Variants in OR3A2 observed in about 807,000 individuals in gnomAD.
The protein encoded by OR3A2 is olfactory receptor 3A2.
For missense variants in OR3A2, 318 were observed against 392.8 expected, an observed-to-expected ratio of 0.81 and a Z score of 1.61; for synonymous variants, 126 against 159.3, an observed-to-expected ratio of 0.79 and a Z score of 1.57.
At chr17:3,310,515 T>C (rs901887995) in intron 3 of OR3A2, 2 of 535,708 alleles carry the variant, frequency 3.7e-6, no homozygotes, top group Non-Finnish European at 7.7e-6. Flanking sequence ...CCTGGGGAAC[T>C]TGTCCCTGCC....
At chr17:3,303,146 G>A (rs1317941143) in intron 3 of OR3A2, among the ~76,000 whole-genome samples, 1 of 152,112 alleles carries the variant, frequency 6.6e-6, no homozygotes, top group African/African-American at 2.4e-5. Context: ...GATATTATAT[G>A]TCTTTCTCAC....
intron 2 of OR3A2, among the ~76,000 whole-genome samples, chr17:3,358,009 T>C (rs954722674): frequency 2.0e-5 from 3 of 151,662 alleles, no homozygotes; most frequent in South Asian, 2.1e-4. Context: ...CCTCTGGACT[T>C]GGAGCCAATT....
upstream of OR3A2, chr17:3,386,303 C>T: frequency 5.0e-6 from 2 of 398,428 alleles, no homozygotes; most frequent in Non-Finnish European, 8.9e-6. Flanking sequence ...CGCCCGACGG[C>T]GGCGTGCCGG....
chr17:3,375,248 C>CTT lies in OR3A2; in HGVS notation c.-179+8555_-179+8556insAA, dbSNP rs1567572522. Reference sequence around the variant, plus strand: ...TTTTTTTCTTTTTTTTTTTTTTTCCCCCCCTTTTTGAGATAGTCTCACTTG... The same window carrying CTT: ...TTTTTTTCTTTTTTTTTTTTTTTCCCTTCCCCTTTTTGAGATAGTCTCACTTG... On this transcript the variant is annotated intron_variant, in intron 2 of 4. Transcript: ENST00000573491. Among the ~76,000 whole-genome samples, 448 of 51,058 alleles carry CTT rather than the reference C, an allele frequency of 8.8e-3. 28 individuals are homozygous for CTT. Among genetic ancestry groups the CTT allele is most frequent in the African/African-American group, 0.056 (419 of 7,510 alleles). 33.5% of individuals were successfully genotyped at this position (51,058 alleles called of 152,430 possible). A position where few individuals can be genotyped will look rare whatever the true frequency, so the allele number is the denominator to read the frequency against.
rs1466930758 is a variant in OR3A2, at chr17:3,311,157, GTCA to G, written c.-85+24873_-85+24875del. ...CAAGGGCATTGGCATCCTCAACACTGTCATCAGCCCCATGCTGAACCCACTCAT... is the reference window on the plus strand; with the variant it reads ...CAAGGGCATTGGCATCCTCAACACTGTCAGCCCCATGCTGAACCCACTCAT... On this transcript the variant is annotated intron_variant, in intron 3 of 4. Transcript: ENST00000573491. The surrounding 1 kb of genome is among the most constrained non-coding windows in gnomAD (Gnocchi z 4.6). 3.7e-6 allele frequency: 2 copies of G among 539,222 alleles called. No individual in the cohort carries two copies. Among genetic ancestry groups the G allele is most frequent in the Admixed American group, 1.9e-5 (1 of 51,818 alleles). The allele number at this position is 539,222 out of a possible 1,614,324, so 33.4% of individuals were successfully genotyped here.
chr17:3,325,921 T>C (rs2049167715), intron 3 of OR3A2, among the ~76,000 whole-genome samples: 2 of 152,102 alleles, frequency 1.3e-5, no homozygotes, highest in African/African-American at 2.4e-5. Flanking sequence ...CCATTAGCTG[T>C]TCTTCCTGAT....
At chr17:3,371,399 G>A (rs552386003) in intron 2 of OR3A2, among the ~76,000 whole-genome samples, 14 of 148,334 alleles carry the variant, frequency 9.4e-5, no homozygotes, top group South Asian at 4.3e-4. Context: ...CCTCCCGGAC[G>A]GGGTGGCTGG....
chr17:3,279,093 T>C lies in OR3A2; in HGVS notation c.-6-170A>G, dbSNP rs1274397265. The C allele has an allele frequency of 8.7e-7, 1 of 1,143,466 alleles. No homozygotes were observed. Among genetic ancestry groups the C allele is most frequent in the Non-Finnish European group, 1.2e-6 (1 of 816,694 alleles). The allele number at this position is 1,143,466 out of a possible 1,614,324, so 70.8% of individuals were successfully genotyped here. Reference sequence around the variant, plus strand: ...GCCTTTACCTTGCTCTTGGTTGACATGCCCAATGACACCACCACCTTGTCC... The same window carrying C: ...GCCTTTACCTTGCTCTTGGTTGACACGCCCAATGACACCACCACCTTGTCC... On this transcript the variant is annotated intron_variant, in intron 1 of 1. The change abolishes an upstream ATG in the 5' untranslated region. Coordinates refer to ENST00000642052, the Ensembl canonical transcript of OR3A2.
chr17:3,340,007 G>A (rs1167943776), intron 2 of OR3A2, among the ~76,000 whole-genome samples: 1 of 152,182 alleles, frequency 6.6e-6, no homozygotes, highest in African/African-American at 2.4e-5. Flanking sequence ...TTGGGAAGGT[G>A]TATGTGTCCA....
upstream of OR3A2, among the ~76,000 whole-genome samples, chr17:3,286,072 C>G (rs774454447): frequency 2.0e-5 from 3 of 152,148 alleles, no homozygotes; most frequent in South Asian, 4.1e-4. Flanking sequence ...CCTTGCCCCC[C>G]ACCCCCCAAG....
chr17:3,378,396 T>C (rs1166653801), intron 2 of OR3A2, among the ~76,000 whole-genome samples: 4 of 152,206 alleles, frequency 2.6e-5, no homozygotes, highest in African/African-American at 9.6e-5. Flanking sequence ...TGCTCTGCCC[T>C]GGAGCAGGTG....
At position 3,359,101 on chromosome 17, in the gene OR3A2, C is replaced by T. The variant is rs181670711; in HGVS notation, c.-178-22975G>A. On this transcript the variant is annotated intron_variant, in intron 2 of 4. Coordinates refer to the OR3A2 transcript ENST00000573491. ...TTTTGTCTGAAATTAGGATTGCAAC[C>T]CCTGCTTCCTTTTTTCTATTTGCTG... Among the ~76,000 whole-genome samples the T allele has an allele frequency of 2.4e-4, 37 of 151,706 alleles. 3 individuals are homozygous for T. In the Middle Eastern group the frequency reaches 0.014, roughly 56 times the overall value.
intron 2 of OR3A2, among the ~76,000 whole-genome samples, chr17:3,371,166 G>A (rs1310525370): frequency 6.6e-6 from 1 of 151,946 alleles, no homozygotes; most frequent in African/African-American, 2.4e-5. Context: ...CCAGGCAGAG[G>A]GGCTCCTCAC....
At chr17:3,338,076 T>G (rs952769873) in intron 2 of OR3A2, among the ~76,000 whole-genome samples, 2 of 152,258 alleles carry the variant, frequency 1.3e-5, no homozygotes, top group African/African-American at 4.8e-5. Flanking sequence ...TGTCTTCTTT[T>G]GAAAAGTGTC....
chr17:3,291,697 T>C, intron 3 of OR3A2: 3 of 1,611,636 alleles, frequency 1.9e-6, no homozygotes, highest in Non-Finnish European at 2.5e-6. Context: ...TCAGGGTTTC[T>C]GAAGCTGTAG....
At chr17:3,325,088 G>T (rs1317308816) in intron 3 of OR3A2, among the ~76,000 whole-genome samples, 2 of 145,438 alleles carry the variant, frequency 1.4e-5, no homozygotes, top group South Asian at 2.1e-4. Flanking sequence ...TTATGATTTT[G>T]TTTTTTATAT....
chr17:3,326,629 T>C lies in OR3A2; in HGVS notation c.-85+9404A>G, dbSNP rs549740370. On this transcript the variant is annotated intron_variant, in intron 3 of 4. Transcript: ENST00000573491. ...CAGGTCAGTTACATATGTATACATG[T>C]GCCATGCTGGTGTGCTGCACCCACT... Among the ~76,000 whole-genome samples, 81 of 151,194 alleles carry C rather than the reference T, an allele frequency of 5.4e-4. 1 individual carries two copies. Among genetic ancestry groups the C allele is most frequent in the African/African-American group, 1.9e-3 (77 of 40,990 alleles).
At chr17:3,379,031 C>A (rs960431045) in intron 2 of OR3A2, among the ~76,000 whole-genome samples, 2 of 152,168 alleles carry the variant, frequency 1.3e-5, no homozygotes, top group African/African-American at 4.8e-5. Context: ...CTAGTGGGGA[C>A]TTGAATATCT....
rs533414156 is a variant in OR3A2, at chr17:3,347,375, C to T, written c.-178-11249G>A. The stretch of plus-strand genomic sequence containing the variant: ...CATCTTCTAGCATTAGGTATATCTC[C>T]CAATGCTATCCCTCCCCTCTCCCCC... On this transcript the variant is annotated intron_variant, in intron 2 of 4. Transcript: ENST00000573491. Among the ~76,000 whole-genome samples, 5 of 152,232 alleles carry T rather than the reference C, an allele frequency of 3.3e-5. No individual in the cohort carries two copies. In the South Asian group the frequency reaches 1.0e-3, roughly 32 times the overall value.
Sources: gnomAD v4.1 joint callset for allele counts (sites outside exome capture counted in the v4.1 genomes callset) on GRCh38, gnomAD v4.1.1 for gene constraint, Gnocchi (gnomAD v3.1) non-coding constraint, MANE v1.5 for transcripts, NCBI Gene and HGNC (gene_info 2026-07-23, HGNC 2026-07-21) for gene names.